IPO11: variants seen among roughly 807,000 people sequenced by gnomAD.
IPO11 encodes the protein importin-11.
Under a neutral mutation model 143.2 loss-of-function variants are expected in IPO11, and 66 were observed. That is an observed-to-expected ratio of 0.46 (90% confidence interval 0.38 to 0.57). The LOEUF is 0.57. Among genes scored for constraint, IPO11 ranks in the 20% least tolerant of loss-of-function variants. The probability of loss-of-function intolerance (pLI) is 0.00; values close to 1 mark genes in which losing one functional copy is unlikely to be tolerated. For synonymous variants in IPO11, 385 were observed against 377.8 expected (o/e 1.02, Z -0.22); for missense variants, 1,026 against 1,141.0 (o/e 0.90, Z 1.45).
intron 1 of IPO11, among the ~76,000 whole-genome samples, chr5:62,431,934 C>CACATACATACATACAT (rs57913836): frequency 0.015 from 2,287 of 148,664 alleles, 68 homozygotes; most frequent in African/African-American, 0.053. Context: ...GAGCAAGACT[C>CACATACATACATACAT]ACATACATAC....
intron 7 of IPO11, 150 bp downstream of exon 7, chr5:62,470,458 G>A: frequency 1.4e-6 from 1 of 699,638 alleles, no homozygotes; most frequent in Non-Finnish European, 2.4e-6. Flanking sequence ...TAGACTTCTG[G>A]TCTGTTTTCA....
At chr5:62,573,817 A>G (rs1261320391) in intron 27 of IPO11, among the ~76,000 whole-genome samples, 1 of 152,178 alleles carries the variant, frequency 6.6e-6, no homozygotes. Context: ...TGGAGCCTTG[A>G]TGCCCCTGCA....
intron 16 of IPO11, among the ~76,000 whole-genome samples, chr5:62,498,498 C>T (rs779256439): frequency 6.6e-6 from 1 of 152,190 alleles, no homozygotes; most frequent in Non-Finnish European, 1.5e-5. Flanking sequence ...ACAGATGATT[C>T]TTTAACCAGA....
intron 29 of IPO11, among the ~76,000 whole-genome samples, chr5:62,615,299 A>C (rs533257214): frequency 6.6e-6 from 1 of 152,170 alleles, no homozygotes; most frequent in East Asian, 1.9e-4. Context: ...TATCTACCCA[A>C]TGTTTGATAG....
chr5:62,593,739 T>C (rs12519878), intron 28 of IPO11, among the ~76,000 whole-genome samples: 14,735 of 152,240 alleles, frequency 0.097, 956 homozygotes, highest in East Asian at 0.26. Flanking sequence ...CAGAATTGTT[T>C]GGTGATTTCT....
At chr5:62,565,178 GGACC>G (rs1743891211) in intron 27 of IPO11, among the ~76,000 whole-genome samples, 1 of 152,114 alleles carries the variant, frequency 6.6e-6, no homozygotes, top group Non-Finnish European at 1.5e-5. Context: ...TTAAGAAAAT[GGACC>G]TAAAGAAATA....
Position 62,493,995 on chromosome 5 carries a change from T to C in IPO11, c.1464-3T>C. The C allele has an allele frequency of 6.2e-7, 1 of 1,601,760 alleles. No homozygotes were observed. The highest frequency in any genetic ancestry group is 8.5e-7 in the Non-Finnish European group (1 of 1,175,336). ...TTTAATTTCATGATTTTTTCCTGTT[T>C]AGGTATAAGCCATTGCGACGCAGGG... is the stretch of plus-strand genomic sequence containing the variant. On this transcript the variant is annotated splice_polypyrimidine_tract_variant and splice_region_variant and intron_variant, in intron 15 of 29. Coordinates refer to ENST00000325324, the MANE Select transcript of IPO11 (RefSeq NM_016338.5).
At position 62,506,265 on chromosome 5, in the gene IPO11, C is replaced by G; in HGVS notation, c.1690C>G (p.Leu564Val). 3.1e-6 allele frequency: 5 copies of G among 1,608,016 alleles called. No individual in the cohort carries two copies. The highest frequency in any genetic ancestry group is 4.3e-6 in the Non-Finnish European group (5 of 1,176,340). The change falls in exon 19 of 30, where the codon CTT becomes GTT. Residue 564 changes from leucine to valine, a missense_variant. By Grantham distance (32) the Leu-to-Val change is conservative. Transcript: ENST00000325324. Reference sequence around the variant, plus strand: ...GTATTTGGAAACCATGTTCACACTACTTTTTCAGTTACTGCAGCAAGTTAC... The same window carrying G: ...GTATTTGGAAACCATGTTCACACTAGTTTTTCAGTTACTGCAGCAAGTTAC... ...LPYLETMFTL[L>V]FQLLQQVTEC...
intron 28 of IPO11, among the ~76,000 whole-genome samples, chr5:62,594,429 G>A (rs1050842411): frequency 1.3e-5 from 2 of 152,112 alleles, no homozygotes; most frequent in East Asian, 1.9e-4. Context: ...CTCTGAAGAC[G>A]GAAGAAGTAC....
At chr5:62,494,182 A>T (rs1741046813) in intron 16 of IPO11, 58 bp downstream of exon 16, 4 of 1,485,630 alleles carry the variant, frequency 2.7e-6, no homozygotes, top group Non-Finnish European at 2.7e-6. Flanking sequence ...TGTGCAAATC[A>T]TCAAGTTCAC....
chr5:62,505,162 T>C (rs1741512852), intron 18 of IPO11, among the ~76,000 whole-genome samples: 1 of 152,156 alleles, frequency 6.6e-6, no homozygotes, highest in Non-Finnish European at 1.5e-5. Flanking sequence ...AACTTTTTTT[T>C]TCAAAATTGA....
chr5:62,522,241 A>T (rs1176799127), intron 20 of IPO11, among the ~76,000 whole-genome samples: 1 of 150,906 alleles, frequency 6.6e-6, no homozygotes, highest in East Asian at 1.9e-4. Flanking sequence ...AGCTGAGTGG[A>T]GGGATTGTGT....
chr5:62,471,408 C>T (rs548055882), intron 7 of IPO11, among the ~76,000 whole-genome samples: 1 of 151,958 alleles, frequency 6.6e-6, no homozygotes, highest in African/African-American at 2.4e-5. Context: ...CCATAATATA[C>T]ATCATCATAA....
At chr5:62,514,566 TGAGAGGGAGACCGTGGAAAGGAGAGG>T (rs1474273111) in intron 19 of IPO11, among the ~76,000 whole-genome samples, 4 of 136,214 alleles carry the variant, frequency 2.9e-5, no homozygotes, top group South Asian at 2.4e-4. Flanking sequence ...TGGCCCGGCA[TGAGAGGGAGACCGTGGAAAGGAGAGG>T]GAGAGGGAGA....
rs35545041 is a variant in IPO11, at chr5:62,499,569, CTT to C, written c.1591-5075_1591-5074del. On this transcript the variant is annotated intron_variant, in intron 16 of 29. Coordinates refer to ENST00000325324, the MANE Select transcript of IPO11 (RefSeq NM_016338.5). ...ATAAATTAACCACATCTTACTCTAA[CTT>C]TTTTTTTTTTTTTTTTTTTTTTGAG... Among the ~76,000 whole-genome samples, 181 of 100,078 alleles carry C rather than the reference CTT, an allele frequency of 1.8e-3. 1 individual carries two copies. Among genetic ancestry groups the C allele is most frequent in the Non-Finnish European group, 2.4e-3 (128 of 52,746 alleles). The allele number at this position is 100,078 out of a possible 152,430, so 65.7% of individuals were successfully genotyped here.
At chr5:62,419,051 A>C (rs953923973) in intron 1 of IPO11, 69 of 1,551,224 alleles carry the variant, frequency 4.4e-5, no homozygotes, top group Non-Finnish European at 5.9e-5. Context: ...TATGTGGTAT[A>C]TAGCTTATTG....
At chr5:62,501,118 C>T (rs1741330803) in intron 16 of IPO11, among the ~76,000 whole-genome samples, 1 of 152,178 alleles carries the variant, frequency 6.6e-6, no homozygotes, top group Non-Finnish European at 1.5e-5. Context: ...CAGCTGGGAT[C>T]TGGGCAGAGG....
intron 6 of IPO11, 76 bp downstream of exon 6, chr5:62,467,339 GT>G: frequency 5.6e-6 from 8 of 1,420,572 alleles, no homozygotes; most frequent in Non-Finnish European, 7.6e-6. Context: ...CTTTAGACGG[GT>G]TTTCTGTTCC....
chr5:62,485,284 G>C, intron 11 of IPO11, 135 bp from the exon 12 acceptor site: 1 of 657,198 alleles, frequency 1.5e-6, no homozygotes, highest in South Asian at 1.8e-5. Flanking sequence ...TCTGTGTAAG[G>C]CCTGTGTTCC....
Sources: allele counts gnomAD v4.1 joint callset (sites outside exome capture counted in the v4.1 genomes callset), GRCh38; gene constraint gnomAD v4.1.1; transcripts MANE v1.5; gene names NCBI Gene and HGNC (gene_info 2026-07-23, HGNC 2026-07-21).